The following PCCA variants were observed in gnomAD, a reference collection of about 807,000 sequenced individuals.
The protein encoded by PCCA is propionyl-CoA carboxylase alpha chain, mitochondrial.
PCCA carries 74 observed loss-of-function variants against 101.3 expected under a neutral mutation model. That is an observed-to-expected ratio of 0.73 (90% CI 0.61 to 0.89). The LOEUF (loss-of-function observed/expected upper bound fraction) is 0.89, where lower values mean the gene tolerates loss of function less well. Among genes scored for constraint, PCCA ranks in the 40% least tolerant of loss-of-function variants. PCCA has a pLI of 0.00. For missense variants in PCCA, 891 were observed against 907.0 expected (o/e 0.98, Z 0.23); for synonymous variants, 294 against 313.6 (o/e 0.94, Z 0.66).
At chr13:100,174,420 A>C (rs774395207) in intron 6 of PCCA, among the ~76,000 whole-genome samples, 4 of 148,646 alleles carry the variant, frequency 2.7e-5, no homozygotes, top group Admixed American at 6.8e-5. Context: ...GTACTCTTTT[A>C]TGGGCTTTAA....
intron 12 of PCCA, among the ~76,000 whole-genome samples, chr13:100,288,563 G>A (rs903193814): frequency 1.1e-4 from 17 of 152,314 alleles, no homozygotes; most frequent in African/African-American, 3.4e-4. Context: ...TTATAGCCCC[G>A]TGCCAGGGCA....
chr13:100,220,870 C>T (rs1042817223), intron 7 of PCCA, among the ~76,000 whole-genome samples: 24 of 152,224 alleles, frequency 1.6e-4, no homozygotes, highest in African/African-American at 5.3e-4. Flanking sequence ...CACCTCCTGT[C>T]TTGGGCTCAC....
At chr13:100,201,196 T>C (rs2058465378) in intron 6 of PCCA, among the ~76,000 whole-genome samples, 1 of 152,194 alleles carries the variant, frequency 6.6e-6, no homozygotes, top group East Asian at 1.9e-4. Context: ...TAAGGTTTTA[T>C]ATATATATCT....
intron 19 of PCCA, among the ~76,000 whole-genome samples, chr13:100,372,218 G>A (rs1019104348): frequency 6.6e-6 from 1 of 152,124 alleles, no homozygotes; most frequent in African/African-American, 2.4e-5. Context: ...GGTGGTGCAT[G>A]GCACACACCT....
chr13:100,334,828 A>G (rs1476790370), intron 17 of PCCA, among the ~76,000 whole-genome samples: 8 of 152,200 alleles, frequency 5.3e-5, no homozygotes, highest in Non-Finnish European at 1.0e-4. Context: ...AGTTTCATGA[A>G]AAGAAAAATG....
intron 4 of PCCA, among the ~76,000 whole-genome samples, chr13:100,139,913 G>GC (rs2051655099): frequency 7.0e-6 from 1 of 142,590 alleles, no homozygotes; most frequent in African/African-American, 2.6e-5. Flanking sequence ...GTTTTTTTTT[G>GC]TTTTTTTTTT....
chr13:100,313,000 A>G (rs2067045252), intron 16 of PCCA, among the ~76,000 whole-genome samples: 1 of 152,236 alleles, frequency 6.6e-6, no homozygotes, highest in Non-Finnish European at 1.5e-5. Context: ...TCAAATCTAT[A>G]GAAAAGATGA....
At position 100,223,115 on chromosome 13, in the gene PCCA, A is replaced by G. The variant is rs371893468; in HGVS notation, c.601-12727A>G. 9.5e-4 allele frequency among the ~76,000 whole-genome samples: 145 copies of G among 152,286 alleles called. 4 individuals carry two copies. In the South Asian group the frequency reaches 0.027, roughly 29 times the overall value. ...TCTCAGGAACTGGAGAGCAGAGTGA[A>G]AGGCATGCACATTAAGATATTGGAG... is the stretch of plus-strand genomic sequence containing the variant. On this transcript the variant is annotated intron_variant, in intron 7 of 23. Coordinates refer to ENST00000376285, the MANE Select transcript of PCCA (RefSeq NM_000282.4).
chr13:100,360,082 G>C (rs1029051880), intron 18 of PCCA, among the ~76,000 whole-genome samples: 19 of 152,200 alleles, frequency 1.2e-4, no homozygotes, highest in African/African-American at 4.6e-4. Context: ...CCACATGGCT[G>C]AGGAGGCCTC....
At chr13:100,162,108 G>T (rs61969160) in intron 6 of PCCA, among the ~76,000 whole-genome samples, 1 of 132,992 alleles carries the variant, frequency 7.5e-6, no homozygotes, top group Admixed American at 7.9e-5. Context: ...GTGTGTGTGT[G>T]TGTCTGTCTG....
intron 5 of PCCA, among the ~76,000 whole-genome samples, chr13:100,156,000 ACTC>A (rs1457843113): frequency 2.0e-5 from 3 of 151,690 alleles, no homozygotes. Flanking sequence ...TGGAATGAAA[ACTC>A]TTCTTCTCTG....
chr13:100,364,527 T>C (rs1034850686), intron 18 of PCCA, among the ~76,000 whole-genome samples: 1 of 152,248 alleles, frequency 6.6e-6, no homozygotes, highest in Non-Finnish European at 1.5e-5. Context: ...AGAGCATATT[T>C]ATATCTGCCA....
chr13:100,404,229 A>T (rs1294028911), intron 19 of PCCA, among the ~76,000 whole-genome samples: 1 of 152,192 alleles, frequency 6.6e-6, no homozygotes, highest in Non-Finnish European at 1.5e-5. Context: ...TAGGCCTTTT[A>T]CCAGTTTGCA....
At position 100,102,801 on chromosome 13, in the gene PCCA, C is replaced by A; in HGVS notation, c.106-82C>A. On this transcript the variant is annotated intron_variant, in intron 1 of 23. Coordinates refer to ENST00000376285, the MANE Select transcript of PCCA (RefSeq NM_000282.4). ...TATTGATCAGACACGTTCGCTAGAA[C>A]CTAACTGGAAGAAATATCCTGAAAA... The A allele has an allele frequency of 5.6e-6, 5 of 900,672 alleles. No homozygotes were observed. In the South Asian group the frequency reaches 6.6e-5, roughly 12 times the overall value. The allele number at this position is 900,672 out of a possible 1,614,324, so 55.8% of individuals were successfully genotyped here.
chr13:100,266,222 A>C (rs1042554222), intron 10 of PCCA, among the ~76,000 whole-genome samples: 1 of 152,198 alleles, frequency 6.6e-6, no homozygotes, highest in African/African-American at 2.4e-5. Context: ...AAGGGTAGAG[A>C]GTAGGTCTTA....
intron 18 of PCCA, among the ~76,000 whole-genome samples, chr13:100,360,483 A>G (rs1209659848): frequency 6.6e-6 from 1 of 152,206 alleles, no homozygotes; most frequent in African/African-American, 2.4e-5. Context: ...AAAACATGTG[A>G]GTATATCTTC....
At chr13:100,099,273 C>T (rs979760284) in intron 1 of PCCA, among the ~76,000 whole-genome samples, 2 of 150,784 alleles carry the variant, frequency 1.3e-5, no homozygotes, top group Non-Finnish European at 2.9e-5. Flanking sequence ...TTAACTGCCA[C>T]GTGAGGCCAC....
intron 19 of PCCA, among the ~76,000 whole-genome samples, chr13:100,409,311 C>T (rs759727091): frequency 7.9e-5 from 12 of 152,042 alleles, no homozygotes; most frequent in South Asian, 6.2e-4. Context: ...CCACATTGGG[C>T]GCCAAAAATG....
chr13:100,364,891 A>G (rs955158277), intron 18 of PCCA, among the ~76,000 whole-genome samples: 1 of 150,836 alleles, frequency 6.6e-6, no homozygotes, highest in African/African-American at 2.4e-5. Context: ...CCCATCTCTT[A>G]AAAAAAAAGC....
Sources: allele counts gnomAD v4.1 joint callset (sites outside exome capture counted in the v4.1 genomes callset), GRCh38; gene constraint gnomAD v4.1.1; transcripts MANE v1.5; gene names NCBI Gene and HGNC (gene_info 2026-07-23, HGNC 2026-07-21).